The following PCDH9 variants were observed in gnomAD, a reference collection of about 807,000 sequenced individuals.
PCDH9 encodes the protein protocadherin-9.
PCDH9 carries 24 observed loss-of-function variants against 70.6 expected under a neutral mutation model. The ratio of observed to expected loss-of-function variants is 0.34; its 90% CI spans 0.25 to 0.48. PCDH9 has a LOEUF of 0.48. Ranked by LOEUF, PCDH9 falls within the 20% of genes least tolerant of loss-of-function variation. The pLI, the probability that PCDH9 is intolerant of heterozygous loss-of-function variation, is 0.99. For synonymous variants in PCDH9, 562 were observed against 558.5 expected, an observed-to-expected ratio of 1.01 and a Z score of -0.09; for missense variants, 1,281 against 1,503.6, an observed-to-expected ratio of 0.85 and a Z score of 2.45.
At chr13:67,164,299 G>A (rs1033778623) in intron 2 of PCDH9, among the ~76,000 whole-genome samples, 22 of 152,046 alleles carry the variant, frequency 1.4e-4, no homozygotes, top group Admixed American at 2.6e-4. Flanking sequence ...AATATACGCC[G>A]GGCGCGGTGG....
chr13:66,420,914 T>C (rs1439654554), intron 4 of PCDH9, among the ~76,000 whole-genome samples: 5 of 151,968 alleles, frequency 3.3e-5, no homozygotes. Context: ...GCTAACCCAA[T>C]GCAAGGAAGC....
At chr13:66,616,075 C>T (rs1342251183) in intron 4 of PCDH9, among the ~76,000 whole-genome samples, 1 of 152,218 alleles carries the variant, frequency 6.6e-6, no homozygotes, top group Non-Finnish European at 1.5e-5. Context: ...AAACAGGCCT[C>T]ATACCCTTGT....
At chr13:67,151,865 T>C (rs1396119447) in intron 2 of PCDH9, among the ~76,000 whole-genome samples, 1 of 152,056 alleles carries the variant, frequency 6.6e-6, no homozygotes, top group Non-Finnish European at 1.5e-5. Flanking sequence ...CCACACTCAT[T>C]TTTAAGGCAC....
intron 3 of PCDH9, among the ~76,000 whole-genome samples, chr13:66,650,314 A>G (rs927192952): frequency 6.6e-6 from 1 of 152,042 alleles, no homozygotes; most frequent in African/African-American, 2.4e-5. Flanking sequence ...TGGAAACTAA[A>G]AAAGAACAGA....
At chr13:66,429,309 T>C (rs534287570) in intron 4 of PCDH9, among the ~76,000 whole-genome samples, 2 of 151,762 alleles carry the variant, frequency 1.3e-5, no homozygotes, top group African/African-American at 2.4e-5. Context: ...CAAGCTAATG[T>C]CATTTCCCAA....
chr13:66,700,187 G>T (rs2078619598), intron 3 of PCDH9, among the ~76,000 whole-genome samples: 1 of 152,134 alleles, frequency 6.6e-6, no homozygotes, highest in African/African-American at 2.4e-5. Context: ...TTCATGGGGT[G>T]AGAGAATCGC....
At chr13:66,594,018 C>G (rs1366203010) in intron 4 of PCDH9, among the ~76,000 whole-genome samples, 1 of 151,474 alleles carries the variant, frequency 6.6e-6, no homozygotes, top group Non-Finnish European at 1.5e-5. Flanking sequence ...ATAAGTGACA[C>G]AGTTACTGTT....
At chr13:67,194,013 A>G (rs1295329406) in intron 2 of PCDH9, among the ~76,000 whole-genome samples, 1 of 152,146 alleles carries the variant, frequency 6.6e-6, no homozygotes, top group Non-Finnish European at 1.5e-5. Context: ...CATTTTTTCT[A>G]TTACATAAAT....
intron 2 of PCDH9, among the ~76,000 whole-genome samples, chr13:67,124,676 C>T (rs1028960553): frequency 2.6e-5 from 4 of 152,164 alleles, no homozygotes; most frequent in African/African-American, 9.7e-5. Flanking sequence ...ATCCTACCTT[C>T]TTGTGGCATT....
intron 2 of PCDH9, among the ~76,000 whole-genome samples, chr13:66,974,042 A>T (rs897899176): frequency 4.6e-5 from 7 of 152,126 alleles, no homozygotes; most frequent in South Asian, 2.1e-4. Context: ...TAAAGGATCC[A>T]CTATGTTCCA....
chr13:66,950,809 C>T (rs181840048), intron 2 of PCDH9, among the ~76,000 whole-genome samples: 42 of 152,104 alleles, frequency 2.8e-4, no homozygotes, highest in African/African-American at 9.9e-4. Context: ...TCTACTTAAC[C>T]AAAAACAGCT....
intron 4 of PCDH9, among the ~76,000 whole-genome samples, chr13:66,445,687 A>G (rs190679163): frequency 1.4e-5 from 2 of 145,336 alleles, no homozygotes; most frequent in African/African-American, 5.0e-5. Context: ...CATATATAAT[A>G]TATACACATA....
At chr13:66,712,024 G>C (rs1009847197) in intron 3 of PCDH9, among the ~76,000 whole-genome samples, 1 of 152,078 alleles carries the variant, frequency 6.6e-6, no homozygotes, top group Non-Finnish European at 1.5e-5. Flanking sequence ...CCTCCTTCAT[G>C]AGTTATAGAG....
At chr13:66,839,835 T>G (rs2081086006) in intron 3 of PCDH9, among the ~76,000 whole-genome samples, 1 of 152,180 alleles carries the variant, frequency 6.6e-6, no homozygotes, top group East Asian at 1.9e-4. Context: ...AGTCCTCACA[T>G]TCTCAGGGAT....
At chr13:66,587,171 A>T (rs1435974162) in intron 4 of PCDH9, among the ~76,000 whole-genome samples, 1 of 151,674 alleles carries the variant, frequency 6.6e-6, no homozygotes, top group Non-Finnish European at 1.5e-5. Context: ...GGTGGCAAAA[A>T]ACTCTAGTCC....
At chr13:67,107,222 C>T (rs561481723) in intron 2 of PCDH9, among the ~76,000 whole-genome samples, 40 of 147,260 alleles carry the variant, frequency 2.7e-4, no homozygotes, top group Non-Finnish European at 4.6e-4. Flanking sequence ...CCAATCAACA[C>T]GCATATCTAA....
intron 4 of PCDH9, among the ~76,000 whole-genome samples, chr13:66,356,071 G>A (rs1956377409): frequency 6.6e-6 from 1 of 151,950 alleles, no homozygotes; most frequent in African/African-American, 2.4e-5. Flanking sequence ...TATACTATAG[G>A]CAAAGTGAAA....
At chr13:67,165,277 T>G (rs2138427977) in intron 2 of PCDH9, among the ~76,000 whole-genome samples, 1 of 152,296 alleles carries the variant, frequency 6.6e-6, no homozygotes, top group South Asian at 2.1e-4. Flanking sequence ...TGATTACTTG[T>G]ACAAAATGAG....
intron 2 of PCDH9, chr13:67,214,935 G>GATATATATATAGATATATAT (rs2089557177): frequency 1.1e-5 from 1 of 89,248 alleles, no homozygotes; most frequent in Non-Finnish European, 2.4e-5. Context: ...TTGCGAGCCA[G>GATATATATATAGATATATAT]ATATATATAT....
Sources: allele counts gnomAD v4.1 joint callset (sites outside exome capture counted in the v4.1 genomes callset), GRCh38; gene constraint gnomAD v4.1.1; transcripts MANE v1.5; gene names NCBI Gene and HGNC (gene_info 2026-07-23, HGNC 2026-07-21).